Variants in SH3PXD2B observed in about 807,000 individuals in gnomAD.
The protein encoded by SH3PXD2B is SH3 and PX domain-containing protein 2B.
SH3PXD2B carries 37 observed loss-of-function variants against 73.1 expected under a neutral mutation model. That is an observed-to-expected ratio of 0.51 (90% CI 0.39 to 0.67). SH3PXD2B has a LOEUF of 0.67. Ranked by LOEUF, SH3PXD2B falls within the 30% of genes least tolerant of loss-of-function variation. The pLI, the probability that SH3PXD2B is intolerant of heterozygous loss-of-function variation, is 0.00. For synonymous variants in SH3PXD2B, 457 were observed against 480.5 expected, an observed-to-expected ratio of 0.95 and a Z score of 0.64; for missense variants, 1,053 against 1,197.8, an observed-to-expected ratio of 0.88 and a Z score of 1.78.
Position 172,454,305 on chromosome 5 carries a change from C to T in SH3PXD2B, c.48G>A (p.Gln16=). 1 of 1,602,578 alleles carries T rather than the reference C, an allele frequency of 6.2e-7. No individual in the cohort carries two copies. Among genetic ancestry groups the T allele is most frequent in the South Asian group, 1.1e-5 (1 of 90,558 alleles). ...AATGCTTGTTGGGCACCCGCCGCTTCTGCACGTCTAGCACCTTCACCTCCA... is the reference window on the plus strand; with the variant it reads ...AATGCTTGTTGGGCACCCGCCGCTTTTGCACGTCTAGCACCTTCACCTCCA... ...SIVEVKVLDV[Q]KRRVPNKHYV... The change falls in exon 1 of 13, where the codon CAG becomes CAA. Residue 16 remains glutamine, a synonymous_variant. Coordinates refer to ENST00000311601, the MANE Select transcript of SH3PXD2B (RefSeq NM_001017995.3).
rs1757575326 is a variant in SH3PXD2B, at chr5:172,368,456, T to TATATATATATATTATATATATATATATA, written c.427+5333_427+5334insTATATATATATATATAATATATATATAT. 3.8e-4 allele frequency among the ~76,000 whole-genome samples: 16 copies of TATATATATATATTATATATATATATATA among 42,646 alleles called. 2 individuals carry two copies. Among genetic ancestry groups the TATATATATATATTATATATATATATATA allele is most frequent in the South Asian group, 8.0e-4 (1 of 1,254 alleles). The allele number at this position is 42,646 out of a possible 152,430, so 28.0% of individuals were successfully genotyped here. ...GTGCAAGGGGAGCTAAGAATGCTTA[T>TATATATATATATTATATATATATATATA]ATATATATATATTATATATATATAT... On this transcript the variant is annotated intron_variant, in intron 6 of 12. Transcript: ENST00000311601.
chr5:172,453,986 T>C (rs1332132831), intron 1 of SH3PXD2B, among the ~76,000 whole-genome samples: 1 of 149,418 alleles, frequency 6.7e-6, no homozygotes, highest in African/African-American at 2.5e-5. Context: ...AGGACGGGAG[T>C]TGGGGGGACA....
chr5:172,389,189 G>A (rs1758122395), intron 4 of SH3PXD2B, among the ~76,000 whole-genome samples: 1 of 151,520 alleles, frequency 6.6e-6, no homozygotes, highest in African/African-American at 2.4e-5. Flanking sequence ...CTGAGTAGCT[G>A]GGATTACAGG....
chr5:172,333,357 T>C (rs898388546), downstream of SH3PXD2B: 19 of 307,280 alleles, frequency 6.2e-5, no homozygotes, highest in Middle Eastern at 1.4e-3. Context: ...AGGTGCACTA[T>C]GGCCCAGAGA....
intron 6 of SH3PXD2B, among the ~76,000 whole-genome samples, chr5:172,364,785 T>A (rs1182717080): frequency 6.6e-6 from 1 of 152,104 alleles, no homozygotes; most frequent in Non-Finnish European, 1.5e-5. Flanking sequence ...CTCTGTTGGG[T>A]GGTGTCTTGT....
intron 6 of SH3PXD2B, among the ~76,000 whole-genome samples, chr5:172,365,260 A>C (rs944120810): frequency 1.3e-5 from 2 of 152,184 alleles, no homozygotes; most frequent in African/African-American, 4.8e-5. Flanking sequence ...TACAGACAGC[A>C]CAGAAACCAT....
rs10625047 is a variant in SH3PXD2B at position 172,373,580 on chromosome 5, GCATCCATCCATCCATCCATC to G, written c.427+190_427+209del. Among the ~76,000 whole-genome samples, 1,678 of 147,766 alleles carry G rather than the reference GCATCCATCCATCCATCCATC, an allele frequency of 0.011. 36 individuals are homozygous for G. Among genetic ancestry groups the G allele is most frequent in the African/African-American group, 0.037 (1,469 of 39,966 alleles). On this transcript the variant is annotated intron_variant, in intron 6 of 12. Coordinates refer to ENST00000311601, the MANE Select transcript of SH3PXD2B (RefSeq NM_001017995.3). ...GATGGGGTATCAACCAATCAATCAA[GCATCCATCCATCCATCCATC>G]CATCCATCCATCCATCCATCCCTCC...
At chr5:172,370,527 T>C (rs1164037618) in intron 6 of SH3PXD2B, among the ~76,000 whole-genome samples, 5 of 152,146 alleles carry the variant, frequency 3.3e-5, no homozygotes, top group Admixed American at 6.5e-5. Flanking sequence ...TGACTCTGGG[T>C]TGGCTGGAGC....
intron 10 of SH3PXD2B, among the ~76,000 whole-genome samples, chr5:172,348,847 C>T (rs993722257): frequency 6.6e-6 from 1 of 152,080 alleles, no homozygotes; most frequent in African/African-American, 2.4e-5. Flanking sequence ...GCTGGGACTA[C>T]AGGTGTGTGC....
chr5:172,361,186 T>C (rs1477851086), intron 7 of SH3PXD2B, among the ~76,000 whole-genome samples: 1 of 152,144 alleles, frequency 6.6e-6, no homozygotes, highest in Non-Finnish European at 1.5e-5. Context: ...TGAGTGTATA[T>C]GTTCACACGT....
At chr5:172,360,826 C>T (rs1324214951) in intron 7 of SH3PXD2B, among the ~76,000 whole-genome samples, 2 of 152,046 alleles carry the variant, frequency 1.3e-5, no homozygotes, top group African/African-American at 2.4e-5. Context: ...AGTGAGTCTC[C>T]GTCTCCAAAA....
chr5:172,333,682 C>T lies in SH3PXD2B; in HGVS notation c.*4687G>A. On this transcript the variant is annotated 3_prime_UTR_variant, in exon 13 of 13. Coordinates refer to ENST00000311601, the MANE Select transcript of SH3PXD2B (RefSeq NM_001017995.3). ...GGAAACAAAAACCACCACCGGAATGCCAATTTGCCAAGAGGGTAGAGTAAG... is the reference window on the plus strand; with the variant it reads ...GGAAACAAAAACCACCACCGGAATGTCAATTTGCCAAGAGGGTAGAGTAAG... 1.6e-6 allele frequency: 2 copies of T among 1,289,390 alleles called. No individual in the cohort carries two copies. Among genetic ancestry groups the T allele is most frequent in the Non-Finnish European group, 2.0e-6 (2 of 988,860 alleles). 79.9% of individuals were successfully genotyped at this position (1,289,390 alleles called of 1,614,324 possible). A position where few individuals can be genotyped will look rare whatever the true frequency, so the allele number is the denominator to read the frequency against.
chr5:172,338,684 A>G lies in SH3PXD2B; in HGVS notation c.2421T>C (p.Phe807=). 1 of 1,614,138 alleles carries G rather than the reference A, an allele frequency of 6.2e-7. No homozygotes were observed. The highest frequency in any genetic ancestry group is 2.2e-5 in the East Asian group (1 of 44,868). ...CCTGGCCCCCCAAAGAGTTGGAGAG[A>G]AAAGGTTTGGCTTTTGGAGGGACGA... ...ALLVPPKAKP[F]LSNSLGGQDD... is the part of the protein sequence containing the mutation. The change falls in exon 13 of 13, where the codon TTT becomes TTC. Residue 807 remains phenylalanine (F), a synonymous_variant. Transcript: ENST00000311601. The surrounding 1 kb of genome is among the most constrained non-coding windows in gnomAD (Gnocchi z 5.1).
In SH3PXD2B at chr5:172,350,490, C is replaced by A. The variant is rs145767631; in HGVS notation, c.885G>T (p.Pro295=). ...AAACACCATCCAAGTCAAGGGCACC[C>A]GGGTGGGAGGGTGAGCCAGGGCCTG... ...PKPGPGSPSH[P]GALDLDGVSR... Residue 295 remains proline (P), a synonymous_variant, in exon 10 of 13, where the codon CCG becomes CCT. Transcript: ENST00000311601. The A allele has an allele frequency of 9.9e-6, 16 of 1,612,760 alleles. No individual in the cohort carries two copies. In the African/African-American group the frequency reaches 1.5e-4, roughly 15 times the overall value.
chr5:172,448,724 C>T (rs1187833705), intron 1 of SH3PXD2B, among the ~76,000 whole-genome samples: 2 of 152,236 alleles, frequency 1.3e-5, no homozygotes, highest in African/African-American at 2.4e-5. Context: ...AAGGAAGTCA[C>T]TGCACCTATT....
At chr5:172,327,698 C>T (rs986644870) in intron 12 of SH3PXD2B, among the ~76,000 whole-genome samples, 8 of 151,446 alleles carry the variant, frequency 5.3e-5, no homozygotes, top group Non-Finnish European at 1.0e-4. Context: ...AAGGGACCCT[C>T]CTGTCTCAGC....
intron 7 of SH3PXD2B, among the ~76,000 whole-genome samples, chr5:172,360,785 T>C (rs1167309425): frequency 1.3e-5 from 2 of 152,110 alleles, no homozygotes; most frequent in East Asian, 3.9e-4. Flanking sequence ...TGAGCCAAGA[T>C]CGTGCCACTG....
intron 9 of SH3PXD2B, among the ~76,000 whole-genome samples, chr5:172,351,739 G>T (rs931233088): frequency 1.3e-5 from 2 of 150,570 alleles, no homozygotes; most frequent in Non-Finnish European, 3.0e-5. Flanking sequence ...CTCTTGTCAA[G>T]AATTAATTTA....
downstream of SH3PXD2B, among the ~76,000 whole-genome samples, chr5:172,332,154 A>G (rs1209424565): frequency 1.3e-5 from 2 of 151,980 alleles, no homozygotes; most frequent in Admixed American, 1.3e-4. Flanking sequence ...CGGAAAGCCC[A>G]TACCATTGCC....
Sources: allele counts gnomAD v4.1 joint callset (sites outside exome capture counted in the v4.1 genomes callset), GRCh38; gene constraint gnomAD v4.1.1; non-coding constraint Gnocchi (gnomAD v3.1); transcripts MANE v1.5; gene names NCBI Gene and HGNC (gene_info 2026-07-23, HGNC 2026-07-21).